Variants in DMRT1 observed in about 807,000 individuals in gnomAD.
The protein encoded by DMRT1 is doublesex- and mab-3-related transcription factor 1.
A neutral mutation model predicts 32.3 loss-of-function variants in DMRT1; 7 were observed. The ratio of observed to expected loss-of-function variants is 0.22; its 90% confidence interval spans 0.12 to 0.41. The LOEUF (loss-of-function observed/expected upper bound fraction) is 0.41, where lower values mean the gene tolerates loss of function less well. Ranked by LOEUF, DMRT1 falls within the 10% of genes least tolerant of loss-of-function variation. DMRT1 has a pLI of 1.00. For missense variants in DMRT1, 625 were observed against 500.5 expected (o/e 1.25, Z -2.37); for synonymous variants, 278 against 206.1 (o/e 1.35, Z -2.99).
At chr9:880,587 A>C (rs118062137) in intron 2 of DMRT1, among the ~76,000 whole-genome samples, 5,739 of 151,986 alleles carry the variant, frequency 0.038, 139 homozygotes, top group South Asian at 0.096. Flanking sequence ...TTGCCTGGGC[A>C]TGGTGGCGCA....
chr9:896,757 G>C (rs538407030), intron 3 of DMRT1, among the ~76,000 whole-genome samples: 34 of 151,856 alleles, frequency 2.2e-4, no homozygotes, highest in African/African-American at 8.2e-4. Flanking sequence ...AGGTTGCAGT[G>C]AGCAGAGATC....
chr9:922,105 C>T (rs977282719), intron 4 of DMRT1, among the ~76,000 whole-genome samples: 1 of 152,016 alleles, frequency 6.6e-6, no homozygotes, highest in African/African-American at 2.4e-5. Context: ...TCTTGAACTC[C>T]TGGGCTCAAG....
chr9:861,629 A>ACGGGGTGGCGGCCGGGC, intron 2 of DMRT1, among the ~76,000 whole-genome samples: 1 of 148,316 alleles, frequency 6.7e-6, no homozygotes, highest in Non-Finnish European at 1.5e-5. Flanking sequence ...CACTTCCCAG[A>ACGGGGTGGCGGCCGGGC]AGGGGCAGCG....
chr9:874,231 T>G (rs1426407048), intron 2 of DMRT1, among the ~76,000 whole-genome samples: 1 of 152,218 alleles, frequency 6.6e-6, no homozygotes, highest in Non-Finnish European at 1.5e-5. Context: ...TTCTATTAAA[T>G]CATTTTGTTT....
intron 2 of DMRT1, among the ~76,000 whole-genome samples, chr9:887,759 G>A (rs933637729): frequency 6.6e-6 from 1 of 151,958 alleles, no homozygotes; most frequent in Non-Finnish European, 1.5e-5. Flanking sequence ...GAACCATTTG[G>A]TGACATTATC....
At chr9:951,207 T>C (rs1819416848) in intron 4 of DMRT1, among the ~76,000 whole-genome samples, 1 of 152,150 alleles carries the variant, frequency 6.6e-6, no homozygotes, top group Non-Finnish European at 1.5e-5. Context: ...TATTTTAATA[T>C]ATATTTTTCT....
At chr9:885,210 G>T (rs992809680) in intron 2 of DMRT1, among the ~76,000 whole-genome samples, 1 of 152,184 alleles carries the variant, frequency 6.6e-6, no homozygotes, top group Admixed American at 6.5e-5. Context: ...GTGGGTGTGT[G>T]TTACAGGGTG....
chr9:940,451 T>C (rs1423729113), intron 4 of DMRT1, among the ~76,000 whole-genome samples: 1 of 151,768 alleles, frequency 6.6e-6, no homozygotes, highest in African/African-American at 2.4e-5. Context: ...GAACATTCAA[T>C]AGAGAACATT....
intron 2 of DMRT1, among the ~76,000 whole-genome samples, chr9:867,956 G>A (rs1346360795): frequency 1.3e-5 from 2 of 152,154 alleles, no homozygotes; most frequent in East Asian, 3.8e-4. Flanking sequence ...ATAGTGATAT[G>A]TACAATCTCA....
At chr9:913,098 C>G (rs576919028) in intron 3 of DMRT1, among the ~76,000 whole-genome samples, 62 of 152,254 alleles carry the variant, frequency 4.1e-4, no homozygotes, top group South Asian at 3.3e-3. Flanking sequence ...CAACATTTTT[C>G]AAACATTTTG....
intron 2 of DMRT1, among the ~76,000 whole-genome samples, chr9:881,966 C>T (rs149971191): frequency 3.3e-5 from 5 of 152,302 alleles, no homozygotes; most frequent in East Asian, 1.9e-4. Flanking sequence ...CTGTCTTGGC[C>T]GTGAGACAGG....
chr9:954,929 T>C (rs1468619496), intron 4 of DMRT1, among the ~76,000 whole-genome samples: 1 of 152,164 alleles, frequency 6.6e-6, no homozygotes, highest in Non-Finnish European at 1.5e-5. Flanking sequence ...CATGAGCCAC[T>C]CCGCCTGGCC....
At chr9:878,200 G>GCCCCCCCCCCCCCCC (rs34336062) in intron 2 of DMRT1, among the ~76,000 whole-genome samples, 4 of 94,038 alleles carry the variant, frequency 4.3e-5, no homozygotes, top group African/African-American at 1.7e-4. Flanking sequence ...TGCAGCTGCT[G>GCCCCCCCCCCCCCCC]CCCCCCCCCC....
intron 1 of DMRT1, among the ~76,000 whole-genome samples, chr9:845,965 C>G (rs1838885671): frequency 6.6e-6 from 1 of 151,832 alleles, no homozygotes; most frequent in South Asian, 2.1e-4. Flanking sequence ...CTTCTGTGTA[C>G]CACTCTTGTG....
At chr9:874,801 C>CTTTTTTTT (rs71327354) in intron 2 of DMRT1, among the ~76,000 whole-genome samples, 7 of 76,928 alleles carry the variant, frequency 9.1e-5, no homozygotes, top group Non-Finnish European at 1.1e-4. Context: ...ACAAGTTAAT[C>CTTTTTTTT]TTTTTTTTTT....
intron 4 of DMRT1, among the ~76,000 whole-genome samples, chr9:944,131 G>C (rs1819165558): frequency 6.6e-6 from 1 of 152,204 alleles, no homozygotes; most frequent in Non-Finnish European, 1.5e-5. Context: ...ATTTCATTTA[G>C]TTTTTGTGTG....
At chr9:892,378 G>A (rs553353719) in intron 2 of DMRT1, among the ~76,000 whole-genome samples, 9 of 152,102 alleles carry the variant, frequency 5.9e-5, no homozygotes, top group African/African-American at 1.4e-4. Flanking sequence ...CCAAAAGCAC[G>A]CGTTTCATGT....
At chr9:961,353 G>A (rs1166843709) in intron 4 of DMRT1, among the ~76,000 whole-genome samples, 1 of 152,132 alleles carries the variant, frequency 6.6e-6, no homozygotes, top group Admixed American at 6.5e-5. Flanking sequence ...GTACTTATTT[G>A]GAGACATTGA....
chr9:958,428 G>A (rs1336961574), intron 4 of DMRT1, among the ~76,000 whole-genome samples: 1 of 152,140 alleles, frequency 6.6e-6, no homozygotes, highest in Non-Finnish European at 1.5e-5. Flanking sequence ...GTGCAATGGC[G>A]TGATCTCAGC....
Sources: allele counts gnomAD v4.1 joint callset (sites outside exome capture counted in the v4.1 genomes callset), GRCh38; gene constraint gnomAD v4.1.1; transcripts MANE v1.5; gene names NCBI Gene and HGNC (gene_info 2026-07-23, HGNC 2026-07-21).